Variants in CD55 observed in about 807,000 individuals in gnomAD.
The protein encoded by CD55 is CD55 molecule (Cromer blood group).
A neutral mutation model predicts 45.8 loss-of-function variants in CD55; 41 were observed. The observed-to-expected ratio is 0.90, with a 90% CI of 0.70 to 1.16. The LOEUF is 1.16. Ranked by LOEUF, CD55 falls within the 50% of genes most tolerant of loss-of-function variation. The pLI is 0.00. For synonymous variants in CD55, 181 were observed against 181.1 expected (o/e 1.00, Z 0.01); for missense variants, 416 against 469.8 (o/e 0.89, Z 1.06).
chr1:207,344,604 T>G (rs566010183), intron 9 of CD55, among the ~76,000 whole-genome samples: 7 of 152,338 alleles, frequency 4.6e-5, no homozygotes, highest in African/African-American at 1.4e-4. Context: ...ATTGTTAGTC[T>G]GATGGGTTTC....
chr1:207,335,174 A>G (rs553804157), intron 6 of CD55, among the ~76,000 whole-genome samples: 61 of 138,566 alleles, frequency 4.4e-4, no homozygotes, highest in South Asian at 3.3e-3. Flanking sequence ...ATAGACAAAT[A>G]CACACTCATA....
chr1:207,345,867 C>G (rs1655611610), intron 9 of CD55, among the ~76,000 whole-genome samples: 1 of 152,168 alleles, frequency 6.6e-6, no homozygotes, highest in South Asian at 2.1e-4. Context: ...TCTGTCATTT[C>G]CTCAGTGCTT....
intron 5 of CD55, among the ~76,000 whole-genome samples, chr1:207,330,611 A>G (rs1018842910): frequency 3.9e-5 from 6 of 152,168 alleles, no homozygotes; most frequent in African/African-American, 1.4e-4. Context: ...ACTCTTAAAC[A>G]TGCTGCTTGA....
At chr1:207,350,821 G>T (rs1019703192) in intron 9 of CD55, among the ~76,000 whole-genome samples, 5 of 151,914 alleles carry the variant, frequency 3.3e-5, no homozygotes, top group African/African-American at 1.2e-4. Context: ...TTGATCTTTT[G>T]TATGGATTTT....
At chr1:207,340,347 T>A in intron 9 of CD55, 1 of 451,230 alleles carries the variant, frequency 2.2e-6, no homozygotes, top group Non-Finnish European at 3.9e-6. Flanking sequence ...TAGATTTGTT[T>A]TCTTTCTTTT....
chr1:207,339,696 T>C (rs1655336316), intron 9 of CD55, among the ~76,000 whole-genome samples: 1 of 152,152 alleles, frequency 6.6e-6, no homozygotes, highest in Non-Finnish European at 1.5e-5. Flanking sequence ...AGACATCGTA[T>C]CATTTCCTTC....
In CD55 at chr1:207,352,023, C is replaced by T. The variant is rs1473840205; in HGVS notation, c.1082-7523C>T. ...CTTCTTTAAAGATAAATTAACTCTACTGCAAGAAAATTGTTTCATCAATTA... is the reference window on the plus strand; with the variant it reads ...CTTCTTTAAAGATAAATTAACTCTATTGCAAGAAAATTGTTTCATCAATTA... On this transcript the variant is annotated intron_variant, in intron 9 of 9. Transcript: ENST00000367064. 2.0e-5 allele frequency among the ~76,000 whole-genome samples: 3 copies of T among 152,140 alleles called. No homozygotes were observed. In the South Asian group the frequency reaches 6.2e-4, roughly 32 times the overall value.
intron 1 of CD55, 30 bp downstream of exon 1, chr1:207,321,895 C>A: frequency 6.8e-7 from 1 of 1,465,116 alleles, no homozygotes; most frequent in Non-Finnish European, 9.1e-7. Context: ...CCGGGGAAGC[C>A]CCTGGGCTGG....
At chr1:207,337,169 G>T in intron 7 of CD55, 160 bp from the exon 8 acceptor site, 1 of 619,034 alleles carries the variant, frequency 1.6e-6, no homozygotes, top group Non-Finnish European at 2.9e-6. Context: ...GATGACAAAT[G>T]CTTCTGCTAC....
intron 9 of CD55, among the ~76,000 whole-genome samples, chr1:207,352,375 C>T (rs1434157391): frequency 6.6e-6 from 1 of 152,086 alleles, no homozygotes; most frequent in Middle Eastern, 3.4e-3. Flanking sequence ...TATCTGCACT[C>T]TGTACTTAAA....
intron 9 of CD55, among the ~76,000 whole-genome samples, chr1:207,343,271 T>C (rs991789850): frequency 3.3e-5 from 5 of 152,110 alleles, no homozygotes; most frequent in African/African-American, 1.2e-4. Flanking sequence ...CATTGTTAGA[T>C]TGTTTATTTG....
chr1:207,354,480 A>G (rs1162783593), intron 9 of CD55, among the ~76,000 whole-genome samples: 2 of 152,144 alleles, frequency 1.3e-5, no homozygotes, highest in East Asian at 3.8e-4. Context: ...ATGATGGGGA[A>G]CCTTACTAAA....
Position 207,359,669 on chromosome 1 carries a change from G to A in CD55, c.*59G>A. The stretch of plus-strand genomic sequence containing the variant: ...TATACAGACTGTTCCTAGTTTCTTA[G>A]ACTTATCTGCATATTGGATAAAATA... On this transcript the variant is annotated 3_prime_UTR_variant, in exon 10 of 10. Coordinates refer to ENST00000367064, the MANE Select transcript of CD55 (RefSeq NM_000574.5). 1 of 1,538,460 alleles carries A rather than the reference G, an allele frequency of 6.5e-7. No homozygotes were observed. The highest frequency in any genetic ancestry group is 8.7e-7 in the Non-Finnish European group (1 of 1,149,864).
intron 5 of CD55, 45 bp from the exon 6 acceptor site, chr1:207,331,063 T>TATTTGTAAAAA: frequency 7.8e-7 from 1 of 1,285,272 alleles, no homozygotes; most frequent in African/African-American, 1.5e-5. Flanking sequence ...TAAAAATACT[T>TATTTGTAAAAA]TACTAGTTTT....
chr1:207,337,346 G>A lies in CD55; in HGVS notation c.997G>A (p.Val333Ile), dbSNP rs116473488. 3.7e-4 allele frequency: 602 copies of A among 1,609,918 alleles called. 2 individuals carry two copies. The African/African-American group carries it at 7.4e-3, about 20-fold the overall frequency. Residue 333 changes from valine (V) to isoleucine (I), a missense_variant, in exon 8 of 10, where the codon GTT (valine) becomes ATT (isoleucine). Val to Ile is a conservative substitution (Grantham distance 29). Transcript: ENST00000367064. ...PNAQATRSTPVSRTTKHFHET... is the reference protein window; with the variant it reads ...PNAQATRSTPISRTTKHFHET... ...TATTACAGCAACACGGAGTACACCTGTTTCCAGGACAACCAAGCATTTTCA... is the reference window on the plus strand; with the variant it reads ...TATTACAGCAACACGGAGTACACCTATTTCCAGGACAACCAAGCATTTTCA...
intron 8 of CD55, 102 bp downstream of exon 8, chr1:207,337,511 T>C (rs1465964495): frequency 1.4e-6 from 1 of 702,150 alleles, no homozygotes; most frequent in Non-Finnish European, 2.6e-6. Context: ...TCTAATTTAT[T>C]GTAGCCAGGG....
intron 4 of CD55, among the ~76,000 whole-genome samples, chr1:207,325,925 G>C (rs1173684028): frequency 6.6e-6 from 1 of 152,070 alleles, no homozygotes; most frequent in Non-Finnish European, 1.5e-5. Context: ...TAAACCACCA[G>C]AATTCTCTAA....
chr1:207,335,824 G>A (rs1339741236), intron 6 of CD55, among the ~76,000 whole-genome samples: 2 of 152,104 alleles, frequency 1.3e-5, no homozygotes, highest in East Asian at 1.9e-4. Flanking sequence ...TTGCTTCAGG[G>A]ACAGACACTG....
At chr1:207,338,027 C>G (rs1438467145) in intron 8 of CD55, among the ~76,000 whole-genome samples, 1 of 152,038 alleles carries the variant, frequency 6.6e-6, no homozygotes, top group Non-Finnish European at 1.5e-5. Context: ...ATAATTGTTA[C>G]CTTGAAGCCT....
Sources: allele counts gnomAD v4.1 joint callset (sites outside exome capture counted in the v4.1 genomes callset), GRCh38; gene constraint gnomAD v4.1.1; transcripts MANE v1.5; gene names NCBI Gene and HGNC (gene_info 2026-07-23, HGNC 2026-07-21).